ARHGAP6: variants seen among roughly 807,000 people sequenced by gnomAD.
The protein encoded by ARHGAP6 is Rho GTPase activating protein 6.
ARHGAP6 carries 16 observed loss-of-function variants against 55.7 expected under a neutral mutation model. The ratio of observed to expected loss-of-function variants is 0.29; its 90% CI spans 0.19 to 0.44. ARHGAP6 has a LOEUF of 0.44. ARHGAP6 is among the 20% of genes least tolerant of loss of function. The pLI is 1.00. For synonymous variants in ARHGAP6, 382 were observed against 360.9 expected, an observed-to-expected ratio of 1.06 and a Z score of -0.66; for missense variants, 698 against 808.9, an observed-to-expected ratio of 0.86 and a Z score of 1.66.
intron 1 of ARHGAP6, among the ~76,000 whole-genome samples, chrX:11,324,110 A>G (rs920183225): frequency 8.9e-6 from 1 of 111,975 alleles, no homozygotes; most frequent in Non-Finnish European, 1.9e-5. Context: ...TAAAGTTACC[A>G]AAACCATTGC....
intron 12 of ARHGAP6, among the ~76,000 whole-genome samples, chrX:11,141,415 CTT>C (rs2045616747): frequency 9.0e-6 from 1 of 111,621 alleles, no homozygotes; most frequent in African/African-American, 3.3e-5. Context: ...GAGTTAACAT[CTT>C]TATTATATAA....
At chrX:11,329,562 T>A (rs2048537538) in intron 1 of ARHGAP6, among the ~76,000 whole-genome samples, 1 of 112,550 alleles carries the variant, frequency 8.9e-6, no homozygotes, top group Non-Finnish European at 1.9e-5. Flanking sequence ...AAGAATTGTA[T>A]CTCTGTTAAA....
intron 1 of ARHGAP6, among the ~76,000 whole-genome samples, chrX:11,456,478 T>C (rs1250110364): frequency 8.9e-6 from 1 of 111,864 alleles, no homozygotes; most frequent in Non-Finnish European, 1.9e-5. Flanking sequence ...AACTTTGAAA[T>C]GGGACAGAAT....
At chrX:11,322,208 G>T (rs2048441089) in intron 1 of ARHGAP6, among the ~76,000 whole-genome samples, 2 of 111,520 alleles carry the variant, frequency 1.8e-5, no homozygotes, top group Admixed American at 1.9e-4. Flanking sequence ...TTTTGTGGTG[G>T]GTGTTGCTGT....
rs182712162 is a variant in ARHGAP6 at position 11,490,724 on chromosome X, C to A, written c.588+173517G>T. Among the ~76,000 whole-genome samples the A allele has an allele frequency of 3.8e-3, 422 of 111,840 alleles. 1 individual carries two copies. Among genetic ancestry groups the A allele is most frequent in the Middle Eastern group, 0.014 (3 of 215 alleles). The stretch of plus-strand genomic sequence containing the variant: ...TGGCTATTCACAGTTTTTGGAAATC[C>A]CAAGCCTAGAAATGCCTCAATTATT... On this transcript the variant is annotated intron_variant, in intron 1 of 12. Transcript: ENST00000337414.
intron 1 of ARHGAP6, among the ~76,000 whole-genome samples, chrX:11,511,982 ACACC>A (rs2050789438): frequency 9.0e-6 from 1 of 110,852 alleles, no homozygotes; most frequent in African/African-American, 3.3e-5. Flanking sequence ...GCCTGCCACC[ACACC>A]TGGCTAATTT....
intron 1 of ARHGAP6, among the ~76,000 whole-genome samples, chrX:11,650,719 G>A (rs1384990374): frequency 8.9e-6 from 1 of 112,371 alleles, no homozygotes; most frequent in Non-Finnish European, 1.9e-5. Context: ...TCAGCTACAT[G>A]AGAAAAAGTA....
chrX:11,324,196 T>G (rs1235352397), intron 1 of ARHGAP6, among the ~76,000 whole-genome samples: 1 of 112,034 alleles, frequency 8.9e-6, no homozygotes, highest in Non-Finnish European at 1.9e-5. Context: ...CCTGAAGCAT[T>G]TCTTCAAAGA....
intron 1 of ARHGAP6, among the ~76,000 whole-genome samples, chrX:11,583,971 C>A (rs5933903): frequency 9.0e-6 from 1 of 111,033 alleles, no homozygotes; most frequent in Non-Finnish European, 1.9e-5. Context: ...TACCAGAAGT[C>A]TTCAGCAACA....
chrX:11,588,942 C>T (rs186185782), intron 1 of ARHGAP6, among the ~76,000 whole-genome samples: 10 of 111,539 alleles, frequency 9.0e-5, no homozygotes, highest in Admixed American at 7.6e-4. Flanking sequence ...TCTTCAAAAA[C>T]GGTGTTGTTA....
chrX:11,462,887 G>C (rs967623872), intron 1 of ARHGAP6, among the ~76,000 whole-genome samples: 3 of 112,613 alleles, frequency 2.7e-5, no homozygotes, highest in African/African-American at 9.7e-5. Context: ...CTAACTGCAT[G>C]GCTGACTGAA....
intron 1 of ARHGAP6, among the ~76,000 whole-genome samples, chrX:11,307,080 G>C (rs189618558): frequency 5.4e-5 from 6 of 110,475 alleles, no homozygotes; most frequent in South Asian, 3.9e-4. Flanking sequence ...ACAAAGAAAC[G>C]CAAGTCCAGT....
intron 1 of ARHGAP6, among the ~76,000 whole-genome samples, chrX:11,556,825 T>C (rs1031735969): frequency 8.9e-6 from 1 of 111,978 alleles, no homozygotes; most frequent in African/African-American, 3.2e-5. Flanking sequence ...CTTCCTATGT[T>C]ATATTTTCTG....
intron 2 of ARHGAP6, among the ~76,000 whole-genome samples, chrX:11,222,796 T>C (rs1009702434): frequency 8.9e-6 from 1 of 112,291 alleles, no homozygotes; most frequent in African/African-American, 3.2e-5. Context: ...TGTGACAGTA[T>C]TTCATGGAAA....
At chrX:11,283,234 T>G (rs1272392574) in intron 1 of ARHGAP6, among the ~76,000 whole-genome samples, 1 of 111,936 alleles carries the variant, frequency 8.9e-6, no homozygotes, top group Non-Finnish European at 1.9e-5. Flanking sequence ...AAGTATCTAT[T>G]ATGAGCTAAA....
At chrX:11,550,159 G>T (rs942091887) in intron 1 of ARHGAP6, among the ~76,000 whole-genome samples, 2 of 111,814 alleles carry the variant, frequency 1.8e-5, no homozygotes, top group South Asian at 7.5e-4. Flanking sequence ...TTGGGGAAAG[G>T]CTGTAATTTA....
At chrX:11,494,518 TCAA>T (rs1238777655) in intron 1 of ARHGAP6, among the ~76,000 whole-genome samples, 1 of 112,684 alleles carries the variant, frequency 8.9e-6, no homozygotes, top group Non-Finnish European at 1.9e-5. Flanking sequence ...TGAATCCAAA[TCAA>T]CAACAGCAAA....
At chrX:11,194,374 T>C (rs993004802) in intron 3 of ARHGAP6, among the ~76,000 whole-genome samples, 1 of 111,757 alleles carries the variant, frequency 8.9e-6, no homozygotes, top group Non-Finnish European at 1.9e-5. Flanking sequence ...AATTCTTATC[T>C]AGAAGTTGCA....
intron 1 of ARHGAP6, among the ~76,000 whole-genome samples, chrX:11,470,326 G>T (rs1473834577): frequency 1.8e-5 from 2 of 111,576 alleles, no homozygotes; most frequent in Non-Finnish European, 3.8e-5. Flanking sequence ...GCCCCATTTG[G>T]ACAAGTTAAA....
Sources: gnomAD v4.1 joint callset for allele counts (sites outside exome capture counted in the v4.1 genomes callset) on GRCh38, gnomAD v4.1.1 for gene constraint, MANE v1.5 for transcripts, NCBI Gene and HGNC (gene_info 2026-07-23, HGNC 2026-07-21) for gene names.